The following LRP1B variants were observed in gnomAD, a reference collection of about 807,000 sequenced individuals.
LRP1B encodes LDL receptor related protein 1B.
LRP1B carries 217 observed loss-of-function variants against 556.6 expected under a neutral mutation model. That is an observed-to-expected ratio of 0.39 (90% CI 0.35 to 0.44). The LOEUF is 0.44. Ranked by LOEUF, LRP1B falls within the 20% of genes least tolerant of loss-of-function variation. LRP1B has a pLI of 1.00. For synonymous variants in LRP1B, 2,047 were observed against 1,865.8 expected, an observed-to-expected ratio of 1.10 and a Z score of -2.50; for missense variants, 5,053 against 5,620.8, an observed-to-expected ratio of 0.90 and a Z score of 3.23.
intron 3 of LRP1B, among the ~76,000 whole-genome samples, chr2:141,376,527 C>T (rs1448774188): frequency 2.6e-5 from 4 of 152,044 alleles, no homozygotes; most frequent in South Asian, 2.1e-4. Flanking sequence ...CATTCTTCTC[C>T]GTGGAGGAGG....
At chr2:141,788,564 G>A (rs1176973239) in intron 2 of LRP1B, among the ~76,000 whole-genome samples, 1 of 151,354 alleles carries the variant, frequency 6.6e-6, no homozygotes, top group Non-Finnish European at 1.5e-5. Context: ...TAAGTTTTAG[G>A]GTACATGTGC....
At chr2:140,873,776 A>G (rs923598788) in intron 25 of LRP1B, among the ~76,000 whole-genome samples, 24 of 152,026 alleles carry the variant, frequency 1.6e-4, no homozygotes, top group East Asian at 7.7e-4. Flanking sequence ...TTTTTCAATA[A>G]AAGTATATTG....
intron 1 of LRP1B, among the ~76,000 whole-genome samples, chr2:142,121,339 T>G (rs1326898298): frequency 6.6e-6 from 1 of 152,144 alleles, no homozygotes; most frequent in Non-Finnish European, 1.5e-5. Flanking sequence ...CAGTAGCTGC[T>G]CAAAATCAGA....
At chr2:141,229,801 C>A (rs753148877) in intron 5 of LRP1B, among the ~76,000 whole-genome samples, 9 of 152,068 alleles carry the variant, frequency 5.9e-5, no homozygotes, top group Non-Finnish European at 1.3e-4. Flanking sequence ...GTTACCCTCA[C>A]GAGCAAGGTA....
At chr2:141,980,369 G>A (rs945237688) in intron 1 of LRP1B, among the ~76,000 whole-genome samples, 2 of 152,012 alleles carry the variant, frequency 1.3e-5, no homozygotes, top group Admixed American at 6.6e-5. Flanking sequence ...ACAATTACGT[G>A]GGTTTAAGTT....
At chr2:141,737,194 A>T (rs557669662) in intron 2 of LRP1B, among the ~76,000 whole-genome samples, 1 of 152,244 alleles carries the variant, frequency 6.6e-6, no homozygotes, top group Non-Finnish European at 1.5e-5. Flanking sequence ...TCTACTAAAA[A>T]CACAAAAATT....
At chr2:141,424,113 C>CTTTTTTTTTTTTTTTT (rs11465120) in intron 3 of LRP1B, among the ~76,000 whole-genome samples, 1 of 137,004 alleles carries the variant, frequency 7.3e-6, no homozygotes, top group Non-Finnish European at 1.5e-5. Flanking sequence ...AAGCCTTCAT[C>CTTTTTTTTTTTTTTTT]TTTTTTTTTT....
chr2:141,664,883 G>C (rs1036278189), intron 2 of LRP1B, among the ~76,000 whole-genome samples: 1 of 152,094 alleles, frequency 6.6e-6, no homozygotes, highest in Non-Finnish European at 1.5e-5. Flanking sequence ...AACCAAAAAA[G>C]AGCCTGTCTG....
intron 18 of LRP1B, among the ~76,000 whole-genome samples, chr2:140,963,706 C>T (rs533284651): frequency 1.7e-4 from 26 of 152,106 alleles, no homozygotes; most frequent in Middle Eastern, 3.4e-3. Flanking sequence ...CCTGTAATCC[C>T]GGCACTTTGG....
chr2:140,249,683 T>C (rs566145761), intron 86 of LRP1B, among the ~76,000 whole-genome samples: 2 of 151,908 alleles, frequency 1.3e-5, no homozygotes, highest in Admixed American at 1.3e-4. Flanking sequence ...GTTCTGCATT[T>C]GTCTTGGTCT....
chr2:141,303,674 G>C (rs868181235), intron 3 of LRP1B, among the ~76,000 whole-genome samples: 13 of 152,116 alleles, frequency 8.5e-5, no homozygotes, highest in African/African-American at 2.9e-4. Flanking sequence ...TCCAATGATA[G>C]ACACTTAAGT....
chr2:140,243,782 C>T (rs2104892842), intron 87 of LRP1B, among the ~76,000 whole-genome samples: 1 of 151,192 alleles, frequency 6.6e-6, no homozygotes, highest in Non-Finnish European at 1.5e-5. Flanking sequence ...GTCTGCTGGA[C>T]ATGTCTAACT....
intron 2 of LRP1B, among the ~76,000 whole-genome samples, chr2:141,745,258 G>A (rs1468899775): frequency 6.6e-6 from 1 of 152,150 alleles, no homozygotes; most frequent in Non-Finnish European, 1.5e-5. Flanking sequence ...CTAGACTCCT[G>A]TCTTTCCCTT....
chr2:140,493,390 A>T (rs1688785622), intron 56 of LRP1B, among the ~76,000 whole-genome samples: 1 of 152,158 alleles, frequency 6.6e-6, no homozygotes, highest in African/African-American at 2.4e-5. Flanking sequence ...CCTCTAAACC[A>T]CTAGTGTTTG....
chr2:140,664,334 C>T (rs1424792051), intron 41 of LRP1B, among the ~76,000 whole-genome samples: 2 of 151,964 alleles, frequency 1.3e-5, no homozygotes, highest in Non-Finnish European at 2.9e-5. Flanking sequence ...AGAGTAATAA[C>T]GCAAAATGCA....
At chr2:140,411,983 G>T (rs1416846847) in intron 66 of LRP1B, among the ~76,000 whole-genome samples, 2 of 151,978 alleles carry the variant, frequency 1.3e-5, no homozygotes, top group African/African-American at 4.8e-5. Flanking sequence ...TTGGCTTTTG[G>T]TCATCCTTAA....
At position 141,699,181 on chromosome 2, in the gene LRP1B, A is replaced by C. The variant is rs144329414; in HGVS notation, c.205+111098T>G. 3.3e-3 allele frequency among the ~76,000 whole-genome samples: 496 copies of C among 151,928 alleles called. 2 individuals carry two copies. Among genetic ancestry groups the C allele is most frequent in the Admixed American group, 5.0e-3 (76 of 15,190 alleles). ...TTTCCCAGCCTGGCTTCACATTAGA[A>C]TCATCTGGGGAGCTTGAAAAAATTA... On this transcript the variant is annotated intron_variant, in intron 2 of 90. Coordinates refer to ENST00000389484, the MANE Select transcript of LRP1B (RefSeq NM_018557.3).
At chr2:141,511,695 G>A (rs943742406) in intron 2 of LRP1B, among the ~76,000 whole-genome samples, 3 of 152,060 alleles carry the variant, frequency 2.0e-5, no homozygotes, top group Non-Finnish European at 2.9e-5. Context: ...TAAACTACTC[G>A]CAGACTCTCC....
chr2:141,372,967 T>C (rs1228530699), intron 3 of LRP1B, among the ~76,000 whole-genome samples: 1 of 152,128 alleles, frequency 6.6e-6, no homozygotes, highest in Non-Finnish European at 1.5e-5. Flanking sequence ...GCTTGCTATT[T>C]TGTGATTTTT....
Sources: allele counts gnomAD v4.1 joint callset (sites outside exome capture counted in the v4.1 genomes callset), GRCh38; gene constraint gnomAD v4.1.1; transcripts MANE v1.5; gene names NCBI Gene and HGNC (gene_info 2026-07-23, HGNC 2026-07-21).